TMEM132D: variants seen among roughly 807,000 people sequenced by gnomAD.
TMEM132D encodes transmembrane protein 132D.
A neutral mutation model predicts 62.3 loss-of-function variants in TMEM132D; 21 were observed. That is an observed-to-expected ratio of 0.34 (90% CI 0.24 to 0.49). The LOEUF is 0.49. TMEM132D is among the 20% of genes least tolerant of loss of function. The pLI is 0.99. For synonymous variants in TMEM132D, 621 were observed against 575.6 expected (o/e 1.08, Z -1.13); for missense variants, 1,346 against 1,402.8 (o/e 0.96, Z 0.65).
chr12:129,630,397 G>T (rs1879321626), intron 2 of TMEM132D, among the ~76,000 whole-genome samples: 1 of 151,880 alleles, frequency 6.6e-6, no homozygotes. Context: ...GAGTATTAAG[G>T]CTGAAAATGG....
At chr12:129,563,766 T>A (rs1215602368) in intron 2 of TMEM132D, among the ~76,000 whole-genome samples, 1 of 151,956 alleles carries the variant, frequency 6.6e-6, no homozygotes, top group Non-Finnish European at 1.5e-5. Flanking sequence ...AGACAGACAT[T>A]CAACCCACAG....
chr12:129,754,850 C>T (rs2137270218), intron 1 of TMEM132D, among the ~76,000 whole-genome samples: 1 of 152,288 alleles, frequency 6.6e-6, no homozygotes, highest in Non-Finnish European at 1.5e-5. Flanking sequence ...TCAACTTACA[C>T]TTACATAGGG....
At chr12:129,178,657 G>T (rs1188763464) in intron 5 of TMEM132D, among the ~76,000 whole-genome samples, 1 of 152,220 alleles carries the variant, frequency 6.6e-6, no homozygotes, top group Non-Finnish European at 1.5e-5. Context: ...GAGGGTAAAA[G>T]ATGGGGGCAG....
At chr12:129,688,015 T>A (rs1880973070) in intron 2 of TMEM132D, among the ~76,000 whole-genome samples, 1 of 152,158 alleles carries the variant, frequency 6.6e-6, no homozygotes, top group Non-Finnish European at 1.5e-5. Context: ...GACACATAAA[T>A]GTGTGTGAAG....
chr12:129,490,084 T>A (rs2137059386), intron 3 of TMEM132D, among the ~76,000 whole-genome samples: 1 of 152,358 alleles, frequency 6.6e-6, no homozygotes, highest in Non-Finnish European at 1.5e-5. Context: ...TCCAAATGCA[T>A]GTCATCACAG....
intron 2 of TMEM132D, among the ~76,000 whole-genome samples, chr12:129,546,837 G>A (rs930438372): frequency 2.4e-4 from 36 of 152,064 alleles, no homozygotes; most frequent in African/African-American, 8.2e-4. Context: ...TGTAGACAAG[G>A]GTAGCTACCA....
chr12:129,519,610 C>T (rs1002907234), intron 3 of TMEM132D, among the ~76,000 whole-genome samples: 5 of 147,000 alleles, frequency 3.4e-5, no homozygotes, highest in Admixed American at 2.7e-4. Context: ...GATAAGAATG[C>T]TTTTTTTTTT....
chr12:129,597,306 A>T (rs1421350784), intron 2 of TMEM132D, among the ~76,000 whole-genome samples: 1 of 152,220 alleles, frequency 6.6e-6, no homozygotes, highest in South Asian at 2.1e-4. Context: ...ACTCCTGTTT[A>T]CTTTATTTGT....
rs1880980509 is a variant in TMEM132D, at chr12:129,275,544, T to A, written c.1299+62090A>T. Among the ~76,000 whole-genome samples, 3 of 152,080 alleles carry A rather than the reference T, an allele frequency of 2.0e-5. No homozygotes were observed. In the South Asian group the frequency reaches 6.2e-4, roughly 32 times the overall value. ...AACTACACGCTCAGGAAACTTCATATCCCCTGGAGCTGAGACACACAAAAT... is the reference window on the plus strand; with the variant it reads ...AACTACACGCTCAGGAAACTTCATAACCCCTGGAGCTGAGACACACAAAAT... On this transcript the variant is annotated intron_variant, in intron 4 of 8. Transcript: ENST00000422113.
At chr12:129,193,295 C>A (rs1429602220) in intron 5 of TMEM132D, among the ~76,000 whole-genome samples, 2 of 152,066 alleles carry the variant, frequency 1.3e-5, no homozygotes, top group Non-Finnish European at 2.9e-5. Context: ...TGCTTTAATG[C>A]AGCTGTTGCC....
At chr12:129,660,162 A>G (rs576528158) in intron 2 of TMEM132D, among the ~76,000 whole-genome samples, 1 of 152,168 alleles carries the variant, frequency 6.6e-6, no homozygotes, top group South Asian at 2.1e-4. Context: ...TGTAAAAGAG[A>G]GAGAGAGAGA....
At chr12:129,736,257 C>T (rs1437596321) in intron 1 of TMEM132D, among the ~76,000 whole-genome samples, 1 of 152,120 alleles carries the variant, frequency 6.6e-6, no homozygotes. Context: ...TGTGATACTT[C>T]TTTTTTATGG....
intron 5 of TMEM132D, chr12:129,110,166 T>A (rs1046489765): frequency 3.3e-5 from 5 of 152,426 alleles, no homozygotes; most frequent in African/African-American, 1.2e-4. Context: ...TCAGCCTGCC[T>A]ACTCCTTCTC....
At chr12:129,818,333 GTATC>G (rs2137322561) in intron 1 of TMEM132D, among the ~76,000 whole-genome samples, 1 of 147,416 alleles carries the variant, frequency 6.8e-6, no homozygotes, top group African/African-American at 2.5e-5. Flanking sequence ...GTATCTATGT[GTATC>G]TGCTTTGGGG....
intron 2 of TMEM132D, among the ~76,000 whole-genome samples, chr12:129,634,261 T>G (rs2137169440): frequency 6.6e-6 from 1 of 151,608 alleles, no homozygotes; most frequent in South Asian, 2.1e-4. Context: ...TGGCTTGAGG[T>G]CAGGAGTTTG....
At chr12:129,803,606 A>T (rs10847953) in intron 1 of TMEM132D, among the ~76,000 whole-genome samples, 104,964 of 144,828 alleles carry the variant, frequency 0.72, 39,307 homozygotes, top group Non-Finnish European at 0.82. Flanking sequence ...CAAAATTGAC[A>T]CCCTAACATC....
chr12:129,675,604 T>C (rs1265031037), intron 2 of TMEM132D, among the ~76,000 whole-genome samples: 4 of 152,172 alleles, frequency 2.6e-5, no homozygotes, highest in Non-Finnish European at 4.4e-5. Flanking sequence ...TTTCATTCCA[T>C]GATAAGAAGG....
chr12:129,269,500 A>T (rs906099013), intron 4 of TMEM132D, among the ~76,000 whole-genome samples: 2 of 152,180 alleles, frequency 1.3e-5, no homozygotes, highest in Non-Finnish European at 2.9e-5. Flanking sequence ...TCTGGCTTAG[A>T]ATGGTGCTTG....
intron 5 of TMEM132D, among the ~76,000 whole-genome samples, chr12:129,108,508 A>C (rs2135642090): frequency 6.6e-6 from 1 of 152,192 alleles, no homozygotes; most frequent in Admixed American, 6.5e-5. Context: ...CTGGGCTGTA[A>C]TGTTCAGCAG....
Sources: allele counts gnomAD v4.1 joint callset (sites outside exome capture counted in the v4.1 genomes callset), GRCh38; gene constraint gnomAD v4.1.1; transcripts MANE v1.5; gene names NCBI Gene and HGNC (gene_info 2026-07-23, HGNC 2026-07-21).